Variants in GABPB2 observed in about 807,000 individuals in gnomAD.
GABPB2 encodes the protein GA binding protein transcription factor subunit beta 2.
In GABPB2, 23 loss-of-function variants were observed where a neutral mutation model predicts 39.1. That is an observed-to-expected ratio of 0.59 (90% CI 0.42 to 0.83). The LOEUF is 0.83. GABPB2 is among the 40% of genes least tolerant of loss of function. The pLI, the probability that GABPB2 is intolerant of heterozygous loss-of-function variation, is 0.00. For synonymous variants in GABPB2, 184 were observed against 199.3 expected (o/e 0.92, Z 0.65); for missense variants, 467 against 541.1 (o/e 0.86, Z 1.36).
intron 7 of GABPB2, among the ~76,000 whole-genome samples, chr1:151,110,043 G>T (rs1455363508): frequency 5.9e-5 from 2 of 33,782 alleles, no homozygotes; most frequent in East Asian, 2.6e-3. Flanking sequence ...TTTTTTTTTT[G>T]CAGAGACAGG....
chr1:151,084,124 G>T lies in GABPB2; in HGVS notation c.1-4066G>T, dbSNP rs587626244. Among the ~76,000 whole-genome samples, 3 of 151,596 alleles carry T rather than the reference G, an allele frequency of 2.0e-5. No individual in the cohort carries two copies. In the South Asian group the frequency reaches 6.2e-4, roughly 32 times the overall value. ...TTACTGTGTTGCCCGGGGTAGTCGG[G>T]TAGTCTCTTACTCCTGGGCTGAAAC... On this transcript the variant is annotated intron_variant, in intron 1 of 8. Transcript: ENST00000368918.
At chr1:151,089,940 A>ATTT (rs36109860) in intron 2 of GABPB2, among the ~76,000 whole-genome samples, 92 of 143,748 alleles carry the variant, frequency 6.4e-4, no homozygotes, top group Non-Finnish European at 7.1e-4. Flanking sequence ...TAGCATGTTA[A>ATTT]TTTTTTTTTT....
At chr1:151,110,543 C>T (rs375466736) in intron 7 of GABPB2, among the ~76,000 whole-genome samples, 1 of 152,016 alleles carries the variant, frequency 6.6e-6, no homozygotes, top group East Asian at 1.9e-4. Context: ...CTCCCTGCAA[C>T]CTCAACCTCC....
intron 2 of GABPB2, among the ~76,000 whole-genome samples, chr1:151,088,988 CAA>C (rs10709126): frequency 6.6e-4 from 95 of 144,434 alleles, no homozygotes; most frequent in Admixed American, 1.4e-3. Flanking sequence ...AACTCTGTTT[CAA>C]AAAAAAAAAA....
intron 8 of GABPB2, 75 bp from the exon 9 acceptor site, chr1:151,117,882 C>A: frequency 7.1e-7 from 1 of 1,417,040 alleles, no homozygotes; most frequent in Non-Finnish European, 9.8e-7. Context: ...CCGCTCCTGG[C>A]CTGTCTTTTT....
Position 151,081,857 on chromosome 1 carries a change from G to A in GABPB2, c.1-6333G>A, listed in dbSNP as rs182327270. 1.8e-3 allele frequency among the ~76,000 whole-genome samples: 276 copies of A among 151,356 alleles called. 2 individuals carry two copies. Among genetic ancestry groups the A allele is most frequent in the Middle Eastern group, 7.0e-3 (2 of 284 alleles). ...TCACTATGTTGGCCAGGCTGCTCTCGAACTCCTGACCTTAGGTGATCTGCC... is the reference window on the plus strand; with the variant it reads ...TCACTATGTTGGCCAGGCTGCTCTCAAACTCCTGACCTTAGGTGATCTGCC... On this transcript the variant is annotated intron_variant, in intron 1 of 8. Transcript: ENST00000368918.
intron 1 of GABPB2, among the ~76,000 whole-genome samples, chr1:151,079,014 A>G (rs775009720): frequency 2.6e-5 from 4 of 152,064 alleles, no homozygotes; most frequent in Admixed American, 2.6e-4. Flanking sequence ...GGTTAACTCA[A>G]AAGAGTAACT....
chr1:151,105,491 G>GTA lies in GABPB2; in HGVS notation c.737-1534_737-1533dup, dbSNP rs1212319942. On this transcript the variant is annotated intron_variant, in intron 6 of 8. Coordinates refer to ENST00000368918, the MANE Select transcript of GABPB2 (RefSeq NM_144618.3). ...ATATACATTTAATATAAACATATAT[G>GTA]TATATATATATATGTTTGGGGTTTC... 3.0e-3 allele frequency among the ~76,000 whole-genome samples: 450 copies of GTA among 147,924 alleles called. 6 individuals are homozygous for GTA. The highest frequency in any genetic ancestry group is 9.3e-3 in the African/African-American group (375 of 40,382).
In GABPB2 at chr1:151,093,300, GATGTCC is replaced by G; in HGVS notation, c.389_394del (p.Val130_His131del). The G allele has an allele frequency of 6.2e-7, 1 of 1,612,648 alleles. No individual in the cohort carries two copies. The highest frequency in any genetic ancestry group is 8.5e-7 in the Non-Finnish European group (1 of 1,179,470). On this transcript the variant is annotated inframe_deletion, in exon 4 of 9. Coordinates refer to ENST00000368918, the MANE Select transcript of GABPB2 (RefSeq NM_144618.3). ...AGAGTTACTTATCAAATATGGAGCT[GATGTCC>G]ATGCTTTCAGCAAATTTGATAAATC...
At chr1:151,076,097 A>G (rs1222146456) in intron 1 of GABPB2, among the ~76,000 whole-genome samples, 1 of 152,200 alleles carries the variant, frequency 6.6e-6, no homozygotes, top group Non-Finnish European at 1.5e-5. Flanking sequence ...AGTTTAAGAA[A>G]ACATTCAGTA....
chr1:151,117,618 G>A, intron 8 of GABPB2, 102 bp downstream of exon 8: 1 of 1,282,406 alleles, frequency 7.8e-7, no homozygotes, highest in Non-Finnish European at 1.1e-6. Context: ...GAGTCTTGCT[G>A]TGTTGCCCAG....
chr1:151,111,225 A>G (rs931202400), intron 7 of GABPB2, among the ~76,000 whole-genome samples: 1 of 151,570 alleles, frequency 6.6e-6, no homozygotes, highest in African/African-American at 2.4e-5. Context: ...TCCTCCTGCT[A>G]CAGCTCCCGA....
At chr1:151,084,122 G>T (rs952133692) in intron 1 of GABPB2, among the ~76,000 whole-genome samples, 3 of 151,316 alleles carry the variant, frequency 2.0e-5, no homozygotes, top group African/African-American at 7.3e-5. Context: ...CGGGGTAGTC[G>T]GGTAGTCTCT....
chr1:151,098,517 A>C (rs1477845106), intron 5 of GABPB2, among the ~76,000 whole-genome samples: 3 of 151,586 alleles, frequency 2.0e-5, no homozygotes, highest in African/African-American at 7.3e-5. Context: ...AAAAAAAAAA[A>C]GGAAAATATT....
intron 1 of GABPB2, among the ~76,000 whole-genome samples, chr1:151,082,801 CTG>C (rs1407536865): frequency 1.3e-5 from 2 of 151,714 alleles, no homozygotes; most frequent in Non-Finnish European, 2.9e-5. Flanking sequence ...TATAACAAAA[CTG>C]CACCTCTACA....
intron 1 of GABPB2, among the ~76,000 whole-genome samples, chr1:151,077,183 C>A (rs1268007116): frequency 6.6e-6 from 1 of 152,046 alleles, no homozygotes; most frequent in Non-Finnish European, 1.5e-5. Context: ...ATAAGACTTA[C>A]AAAGCCAATT....
chr1:151,101,444 C>T (rs1370781467), intron 5 of GABPB2, among the ~76,000 whole-genome samples: 1 of 151,668 alleles, frequency 6.6e-6, no homozygotes, highest in Non-Finnish European at 1.5e-5. Context: ...CATGGTGGTG[C>T]GCGCCTGTAG....
intron 5 of GABPB2, among the ~76,000 whole-genome samples, chr1:151,102,020 C>A (rs900352634): frequency 1.3e-5 from 2 of 152,086 alleles, no homozygotes; most frequent in Non-Finnish European, 2.9e-5. Context: ...TGAACAAAGT[C>A]TTTTTAAAAG....
intron 7 of GABPB2, among the ~76,000 whole-genome samples, chr1:151,111,254 T>C (rs1335790323): frequency 2.0e-5 from 3 of 151,538 alleles, no homozygotes; most frequent in African/African-American, 7.3e-5. Context: ...TTTTCTTTTT[T>C]TTTTTTTGAG....
Sources: gnomAD v4.1 joint callset for allele counts (sites outside exome capture counted in the v4.1 genomes callset) on GRCh38, gnomAD v4.1.1 for gene constraint, MANE v1.5 for transcripts, NCBI Gene and HGNC (gene_info 2026-07-23, HGNC 2026-07-21) for gene names.